OTUD7B: variants seen among roughly 807,000 people sequenced by gnomAD.
OTUD7B encodes OTU deubiquitinase 7B.
OTUD7B carries 34 observed loss-of-function variants against 82.2 expected under a neutral mutation model. That is an observed-to-expected ratio of 0.41 (90% CI 0.31 to 0.55). The LOEUF is 0.55. Ranked by LOEUF, OTUD7B falls within the 20% of genes least tolerant of loss-of-function variation. The pLI, the probability that OTUD7B is intolerant of heterozygous loss-of-function variation, is 0.20. For missense variants in OTUD7B, 944 were observed against 1,062.1 expected (o/e 0.89, Z 1.55); for synonymous variants, 398 against 402.7 (o/e 0.99, Z 0.14).
chr1:149,996,268 G>A (rs1217734926), intron 1 of OTUD7B, among the ~76,000 whole-genome samples: 2 of 152,226 alleles, frequency 1.3e-5, no homozygotes, highest in Non-Finnish European at 2.9e-5. Context: ...TGAGTGGAGA[G>A]GGAGAAGGGA....
At position 149,944,753 on chromosome 1, in the gene OTUD7B, C is replaced by A; in HGVS notation, c.1636G>T (p.Glu546Ter). 1.2e-6 allele frequency: 2 copies of A among 1,614,008 alleles called. No homozygotes were observed. The highest frequency in any genetic ancestry group is 1.7e-6 in the Non-Finnish European group (2 of 1,180,018). Residue 546 changes from glutamate (E) to a stop codon, truncating the protein, a stop_gained, in exon 12 of 12, where the codon GAG becomes TAG. Coordinates refer to ENST00000581312, the MANE Select transcript of OTUD7B (RefSeq NM_020205.4). LOFTEE classifies it high-confidence loss of function. ...TTTTTCTTCTTCTTCTCCAGTGTCT[C>A]AGTGCCGCTGCTTCCTCCCAACCCT... ...GTGLGGSSGT[E>*]TLEKKKKNSL...
At chr1:150,022,899 A>G in the OTUD7B span, among the ~76,000 whole-genome samples, 1 of 152,242 alleles carries the variant, frequency 6.6e-6, no homozygotes, top group Non-Finnish European at 1.5e-5. Context: ...AGCCACAGCA[A>G]CCACAGCAAC....
the OTUD7B span, among the ~76,000 whole-genome samples, chr1:150,043,797 A>G: frequency 1.3e-5 from 2 of 152,180 alleles, no homozygotes; most frequent in Non-Finnish European, 2.9e-5. Flanking sequence ...ACATTTAGTG[A>G]TTTCACACAA....
chr1:149,957,138 T>TGAGGAGGCAG (rs1648746771), intron 7 of OTUD7B, among the ~76,000 whole-genome samples: 4 of 148,542 alleles, frequency 2.7e-5, no homozygotes, highest in African/African-American at 1.1e-4. Flanking sequence ...ATTTTCAGCT[T>TGAGGAGGCAG]TTCTGCTCTG....
rs1648054609 is a variant in OTUD7B, at chr1:149,949,896, C to T, written c.974-118G>A. ...TTTCATTCCAACATGTTTAATAATT[C>T]TTTCCTAAGAAGCCCTGTCAACTAA... On this transcript the variant is annotated intron_variant, in intron 8 of 11. Coordinates refer to ENST00000581312, the MANE Select transcript of OTUD7B (RefSeq NM_020205.4). 11 of 1,323,168 alleles carry T rather than the reference C, an allele frequency of 8.3e-6. No individual in the cohort carries two copies. The South Asian group carries it at 1.4e-4, about 17-fold the overall frequency. 82.0% of individuals were successfully genotyped at this position (1,323,168 alleles called of 1,614,324 possible).
In OTUD7B at chr1:149,944,427, A is replaced by G. The variant is rs587714979; in HGVS notation, c.1962T>C (p.Asn654=). The G allele has an allele frequency of 2.5e-5, 40 of 1,614,140 alleles. No homozygotes were observed. In the East Asian group the frequency reaches 8.5e-4, roughly 34 times the overall value. ...KQKEAERKIM[N]GGIGGGPPPA... is the part of the protein sequence containing the mutation. ...GAGGAGGGCCACCCCCTATTCCTCC[A>G]TTCATGATCTTCCTCTCTGCCTCCT... Residue 654 remains asparagine, a synonymous_variant, in exon 12 of 12, where the codon AAT becomes AAC. Coordinates refer to ENST00000581312, the MANE Select transcript of OTUD7B (RefSeq NM_020205.4).
the OTUD7B span, among the ~76,000 whole-genome samples, chr1:150,029,627 G>T: frequency 6.6e-6 from 1 of 152,150 alleles, no homozygotes; most frequent in East Asian, 1.9e-4. Context: ...AGTAGAGGTT[G>T]TTCATTCTCT....
At chr1:149,998,524 A>C (rs1052381082) in intron 1 of OTUD7B, among the ~76,000 whole-genome samples, 1 of 152,208 alleles carries the variant, frequency 6.6e-6, no homozygotes, top group Non-Finnish European at 1.5e-5. Context: ...TCCACCTTGA[A>C]TGTTTCCCCG....
At chr1:149,946,647 C>G (rs1647766922) in intron 11 of OTUD7B, among the ~76,000 whole-genome samples, 1 of 146,574 alleles carries the variant, frequency 6.8e-6, no homozygotes, top group Non-Finnish European at 1.5e-5. Flanking sequence ...GAGGCTGATG[C>G]AGGAGAATCA....
the OTUD7B span, among the ~76,000 whole-genome samples, chr1:150,058,046 T>C: frequency 6.6e-6 from 1 of 152,196 alleles, no homozygotes; most frequent in Admixed American, 6.6e-5. Context: ...GGATGAAGGA[T>C]TGTGGGACAG....
At chr1:149,984,669 G>T (rs1185440670) in intron 1 of OTUD7B, among the ~76,000 whole-genome samples, 1 of 152,012 alleles carries the variant, frequency 6.6e-6, no homozygotes, top group Non-Finnish European at 1.5e-5. Flanking sequence ...AATCATACAG[G>T]CACTTAAAAT....
At chr1:150,023,800 A>C in the OTUD7B span, among the ~76,000 whole-genome samples, 4 of 152,152 alleles carry the variant, frequency 2.6e-5, no homozygotes, top group Non-Finnish European at 4.4e-5. Context: ...CTTGCCACAC[A>C]AAAAAGGTAG....
Position 149,944,291 on chromosome 1 carries a change from G to C in OTUD7B, c.2098C>G (p.Arg700Gly), listed in dbSNP as rs587750697. The change falls in exon 12 of 12, where the codon CGG (arginine) becomes GGG (glycine). Residue 700 changes from arginine to glycine, a missense_variant. By Grantham distance (125) the Arg-to-Gly change is moderately radical (BLOSUM62 -2). Coordinates refer to ENST00000581312, the MANE Select transcript of OTUD7B (RefSeq NM_020205.4). Reference sequence around the variant, plus strand: ...CAGTGGACTCCGCCCCCAGACGGCCGAGGGATAGTAAAGTCCCCAGGGTAG... The same window carrying C: ...CAGTGGACTCCGCCCCCAGACGGCCCAGGGATAGTAAAGTCCCCAGGGTAG... ...TGYPGDFTIPRPSGGGVHCQE... is the reference protein window; with the variant it reads ...TGYPGDFTIPGPSGGGVHCQE... The C allele has an allele frequency of 4.3e-6, 7 of 1,610,644 alleles. No homozygotes were observed. In the South Asian group the frequency reaches 6.6e-5, roughly 15 times the overall value.
chr1:149,940,051 C>G lies in OTUD7B; in HGVS notation c.*3806G>C, dbSNP rs1227417342. 6.6e-6 allele frequency: 1 copy of G among 152,034 alleles called. No homozygotes were observed. 9.4% of individuals were successfully genotyped at this position (152,034 alleles called of 1,614,324 possible). On this transcript the variant is annotated 3_prime_UTR_variant, in exon 12 of 12. Transcript: ENST00000581312. ...TCTTTATTGAGAAAAAAAAATGTGA[C>G]TGGAACCTTGGACACATGGCTAAAA...
At chr1:150,066,795 A>G in the OTUD7B span, among the ~76,000 whole-genome samples, 3 of 152,236 alleles carry the variant, frequency 2.0e-5, no homozygotes, top group Admixed American at 1.3e-4. The surrounding 1 kb of genome is among the most constrained non-coding windows in gnomAD (Gnocchi z 4.6). Context: ...GACAAATGCC[A>G]TGATAGAGGG....
At chr1:150,049,007 A>AT in the OTUD7B span, among the ~76,000 whole-genome samples, 19 of 150,054 alleles carry the variant, frequency 1.3e-4, no homozygotes, top group African/African-American at 2.9e-4. Context: ...TAATTTTTGT[A>AT]TTTTTTTTTC....
chr1:150,032,520 A>G, the OTUD7B span, among the ~76,000 whole-genome samples: 1 of 148,846 alleles, frequency 6.7e-6, no homozygotes, highest in Non-Finnish European at 1.5e-5. Flanking sequence ...CTGTAGTCCT[A>G]GCTACTTGGT....
Position 149,944,362 on chromosome 1 carries a change from G to C in OTUD7B, c.2027C>G (p.Pro676Arg), listed in dbSNP as rs184817451. 1 of 1,613,610 alleles carries C rather than the reference G, an allele frequency of 6.2e-7. No homozygotes were observed. Among genetic ancestry groups the C allele is most frequent in the African/African-American group, 1.3e-5 (1 of 74,984 alleles). The change falls in exon 12 of 12, where the codon CCG becomes CGG. Residue 676 changes from proline to arginine, a missense_variant. Transcript: ENST00000581312. ...KPEPDAREEQ[P>R]TGPPAESRAM... ...CCTGGACTCTGCTGGGGGACCGGTC[G>C]GCTGCTCTTCCCTAGCATCTGGCTC... is the stretch of plus-strand genomic sequence containing the variant.
At chr1:149,960,380 T>C (rs1369437086) in intron 6 of OTUD7B, among the ~76,000 whole-genome samples, 6 of 26 alleles carry the variant, frequency 0.23, no homozygotes, top group Non-Finnish European at 0.3. Flanking sequence ...TTTCTTTTTC[T>C]TTTCTTTCCT....
Sources: allele counts gnomAD v4.1 joint callset (sites outside exome capture counted in the v4.1 genomes callset), GRCh38; gene constraint gnomAD v4.1.1; non-coding constraint Gnocchi (gnomAD v3.1); transcripts MANE v1.5; gene names NCBI Gene and HGNC (gene_info 2026-07-23, HGNC 2026-07-21).